DLGAP1: variants seen among roughly 807,000 people sequenced by gnomAD.
DLGAP1 encodes the protein DLG associated protein 1, also known as disks large-associated protein 1.
Under a neutral mutation model 90.8 loss-of-function variants are expected in DLGAP1, and 11 were observed. The observed-to-expected ratio is 0.12, with a 90% CI of 0.08 to 0.20. DLGAP1 has a LOEUF of 0.20. Among genes scored for constraint, DLGAP1 ranks in the 10% least tolerant of loss-of-function variants. DLGAP1 has a pLI of 1.00. For missense variants in DLGAP1, 1,050 were observed against 1,333.8 expected, an observed-to-expected ratio of 0.79 and a Z score of 3.31; for synonymous variants, 558 against 540.7, an observed-to-expected ratio of 1.03 and a Z score of -0.44.
chr18:4,209,775 T>G (rs2077803513), intron 1 of DLGAP1, among the ~76,000 whole-genome samples: 1 of 152,300 alleles, frequency 6.6e-6, no homozygotes, highest in Non-Finnish European at 1.5e-5. Context: ...AGATCTATGT[T>G]AGGTGGAGTG....
chr18:4,313,365 G>A (rs953277570), intron 1 of DLGAP1, among the ~76,000 whole-genome samples: 3 of 152,156 alleles, frequency 2.0e-5, no homozygotes, highest in Non-Finnish European at 2.9e-5. Flanking sequence ...GGTTGGTACC[G>A]TTGAGAAATG....
At chr18:3,860,423 A>G (rs948814856) in intron 4 of DLGAP1, among the ~76,000 whole-genome samples, 3 of 152,202 alleles carry the variant, frequency 2.0e-5, no homozygotes, top group African/African-American at 7.2e-5. Context: ...ACAACCCTGT[A>G]TGATAGGTAT....
intron 9 of DLGAP1, among the ~76,000 whole-genome samples, chr18:3,535,083 T>C (rs2052272769): frequency 8.2e-6 from 1 of 121,414 alleles, no homozygotes; most frequent in African/African-American, 3.3e-5. Context: ...TGTGTGTGTG[T>C]GTGTGTGTGT....
At chr18:3,904,706 T>G (rs1187965999) in intron 3 of DLGAP1, among the ~76,000 whole-genome samples, 1 of 152,216 alleles carries the variant, frequency 6.6e-6, no homozygotes, top group East Asian at 1.9e-4. Flanking sequence ...AAAGCAAGGC[T>G]GTTAAGATTA....
intron 7 of DLGAP1, among the ~76,000 whole-genome samples, chr18:3,664,851 G>T (rs1031503096): frequency 3.3e-5 from 5 of 152,228 alleles, no homozygotes; most frequent in African/African-American, 1.2e-4. Context: ...ATTTGAAGCA[G>T]CTGATAAAGA....
intron 1 of DLGAP1, among the ~76,000 whole-genome samples, chr18:4,271,375 T>C (rs1277441969): frequency 6.6e-6 from 1 of 152,170 alleles, no homozygotes; most frequent in African/African-American, 2.4e-5. Flanking sequence ...ATTTCACATA[T>C]ATGAAGTGAG....
chr18:4,398,644 T>C (rs1175136588), intron 1 of DLGAP1, among the ~76,000 whole-genome samples: 1 of 152,198 alleles, frequency 6.6e-6, no homozygotes, highest in African/African-American at 2.4e-5. Context: ...TAGGAGCCAC[T>C]TCAGAAACAC....
intron 4 of DLGAP1, chr18:3,874,278 T>C: frequency 6.5e-7 from 1 of 1,549,362 alleles, no homozygotes; most frequent in Non-Finnish European, 8.7e-7. Flanking sequence ...TCTCGGTCTG[T>C]CTTGCTCTCT....
chr18:3,823,996 G>T (rs1013983934), intron 4 of DLGAP1, among the ~76,000 whole-genome samples: 4 of 147,604 alleles, frequency 2.7e-5, no homozygotes, highest in African/African-American at 7.5e-5. Flanking sequence ...CTAGGTCTAT[G>T]GTAAATATAT....
Position 3,757,166 on chromosome 18 carries a change from T to C in DLGAP1, c.1173-14654A>G, listed in dbSNP as rs71358025. Among the ~76,000 whole-genome samples, 424 of 152,194 alleles carry C rather than the reference T, an allele frequency of 2.8e-3. 3 individuals carry two copies. The highest frequency in any genetic ancestry group is 4.0e-3 in the Non-Finnish European group (274 of 67,992). On this transcript the variant is annotated intron_variant, in intron 5 of 12. Transcript: ENST00000315677. ...GGCTCATGCCCGTAACCCCAGCACTTTGGGAGGCCAAGGCAGGCAGATCAC... is the reference window on the plus strand; with the variant it reads ...GGCTCATGCCCGTAACCCCAGCACTCTGGGAGGCCAAGGCAGGCAGATCAC...
chr18:4,231,171 T>C (rs968402243), intron 1 of DLGAP1, among the ~76,000 whole-genome samples: 3 of 152,170 alleles, frequency 2.0e-5, no homozygotes, highest in Non-Finnish European at 2.9e-5. Flanking sequence ...TTATTCAACT[T>C]ATATAAATAT....
chr18:4,332,630 A>C (rs984071913), intron 1 of DLGAP1, among the ~76,000 whole-genome samples: 11 of 151,996 alleles, frequency 7.2e-5, no homozygotes, highest in Non-Finnish European at 1.0e-4. Context: ...GGACCAATAC[A>C]AAAGGCAGAG....
At chr18:4,150,124 C>G (rs970163561) in intron 2 of DLGAP1, among the ~76,000 whole-genome samples, 4 of 152,202 alleles carry the variant, frequency 2.6e-5, no homozygotes, top group African/African-American at 7.2e-5. Flanking sequence ...TTCCCTGATT[C>G]ACTCTTCCTG....
intron 3 of DLGAP1, among the ~76,000 whole-genome samples, chr18:3,908,546 T>A (rs1267119796): frequency 6.6e-6 from 1 of 152,214 alleles, no homozygotes; most frequent in Non-Finnish European, 1.5e-5. Context: ...ATGATTCTGA[T>A]GTGCAGTTCA....
chr18:4,087,123 C>A (rs999606163), intron 2 of DLGAP1, among the ~76,000 whole-genome samples: 1 of 141,308 alleles, frequency 7.1e-6, no homozygotes, highest in Admixed American at 7.0e-5. Context: ...TATACACACA[C>A]ACATTCTGAG....
intron 1 of DLGAP1, among the ~76,000 whole-genome samples, chr18:4,252,944 T>A (rs146462601): frequency 6.6e-6 from 1 of 152,246 alleles, no homozygotes; most frequent in African/African-American, 2.4e-5. Flanking sequence ...CACTTGGAGA[T>A]TGATCTTCCA....
At position 3,879,919 on chromosome 18, in the gene DLGAP1, C is replaced by T. The variant is rs751790183; in HGVS notation, c.150G>A (p.Arg50=). The T allele has an allele frequency of 6.2e-7, 1 of 1,612,794 alleles. No homozygotes were observed. Among genetic ancestry groups the T allele is most frequent in the South Asian group, 1.1e-5 (1 of 91,072 alleles). Residue 50 remains arginine, a synonymous_variant, in exon 4 of 13, where the codon CGG becomes CGA. Coordinates refer to ENST00000315677, the MANE Select transcript of DLGAP1 (RefSeq NM_004746.4). This position sits in a 1 kb window ranked among gnomAD's most constrained non-coding sequence, Gnocchi z 6.6. ...HPADHPYYTQ[R]NSFQAECVGP... is the part of the protein sequence containing the mutation. Reference sequence around the variant, plus strand: ...CCACGCACTCAGCCTGGAAGGAGTTCCGCTGGGTGTAGTATGGGTGGTCTG... The same window carrying T: ...CCACGCACTCAGCCTGGAAGGAGTTTCGCTGGGTGTAGTATGGGTGGTCTG...
chr18:4,348,772 T>C (rs778499265), intron 1 of DLGAP1, among the ~76,000 whole-genome samples: 2 of 151,928 alleles, frequency 1.3e-5, no homozygotes, highest in Non-Finnish European at 1.5e-5. Flanking sequence ...AATTCTAGAA[T>C]GAGAGCAACA....
At chr18:4,286,251 A>C (rs1397499620) in intron 1 of DLGAP1, among the ~76,000 whole-genome samples, 1 of 152,192 alleles carries the variant, frequency 6.6e-6, no homozygotes, top group Non-Finnish European at 1.5e-5. Context: ...TAATAAAATC[A>C]ATCAAACAAA....
Sources: gnomAD v4.1 joint callset for allele counts (sites outside exome capture counted in the v4.1 genomes callset) on GRCh38, gnomAD v4.1.1 for gene constraint, Gnocchi (gnomAD v3.1) non-coding constraint, MANE v1.5 for transcripts, NCBI Gene and HGNC (gene_info 2026-07-23, HGNC 2026-07-21) for gene names.